MUC12: variants seen among roughly 807,000 people sequenced by gnomAD.
The protein encoded by MUC12 is mucin 12, cell surface associated.
Under a neutral mutation model 230.8 loss-of-function variants are expected in MUC12, and 172 were observed. That is an observed-to-expected ratio of 0.75 (90% CI 0.66 to 0.85). The LOEUF (loss-of-function observed/expected upper bound fraction) is 0.85. MUC12 is among the 40% of genes least tolerant of loss of function. The probability of loss-of-function intolerance (pLI) is 0.00; values close to 1 mark genes in which losing one functional copy is unlikely to be tolerated. For synonymous variants in MUC12, 1,259 were observed against 2,401.9 expected, an observed-to-expected ratio of 0.52 and a Z score of 13.91; for missense variants, 3,506 against 5,920.6, an observed-to-expected ratio of 0.59 and a Z score of 13.38.
chr7:100,990,536 G>C, intron 1 of MUC12, 95 bp from the exon 2 acceptor site: 1 of 1,433,720 alleles, frequency 7.0e-7, no homozygotes, highest in Non-Finnish European at 9.4e-7. Flanking sequence ...CTGACCAGGT[G>C]TCTTCCAGCC....
intron 11 of MUC12, 69 bp downstream of exon 11, chr7:101,017,732 C>CGGGCCTCCCTTCTCCCCCT (rs1793956144): frequency 3.5e-6 from 4 of 1,133,528 alleles, no homozygotes; most frequent in Admixed American, 2.2e-5. Flanking sequence ...CCTCTTCCCC[C>CGGGCCTCCCTTCTCCCCCT]GGGACTCCCT....
intron 1 of MUC12, among the ~76,000 whole-genome samples, chr7:100,970,122 A>G (rs1160660551): frequency 1.5e-4 from 23 of 152,364 alleles, no homozygotes; most frequent in Admixed American, 3.9e-4. Context: ...GGGAGTCCAG[A>G]GGGGTGTGTG....
At chr7:100,971,392 G>C in intron 1 of MUC12, among the ~76,000 whole-genome samples, 1 of 152,292 alleles carries the variant, frequency 6.6e-6, no homozygotes, top group African/African-American at 2.4e-5. Context: ...CTGTGGGGTG[G>C]GCAGAAGGGG....
Position 100,991,504 on chromosome 7 carries a change from C to A in MUC12, c.941C>A (p.Thr314Lys), listed in dbSNP as rs1314524893. The change falls in exon 2 of 12, where the codon ACA becomes AAA. Residue 314 changes from threonine to lysine, a missense_variant. Physicochemically the swap from Thr to Lys is moderately conservative, Grantham distance 78 (BLOSUM62 -1). Transcript: ENST00000536621. ...CACAGCAGCCCGAGCTCAACTCCAA[C>A]AACCCACTTTTCTGCCAGCTCCACA... is the stretch of plus-strand genomic sequence containing the variant. ...TYHSSPSSTP[T>K]THFSASSTTL... 1.3e-6 allele frequency: 2 copies of A among 1,537,258 alleles called. No homozygotes were observed. The highest frequency in any genetic ancestry group is 8.7e-7 in the Non-Finnish European group (1 of 1,146,532).
chr7:100,991,041 G>A lies in MUC12; in HGVS notation c.478G>A (p.Gly160Ser), dbSNP rs1793281375. Residue 160 changes from glycine (G) to serine (S), a missense_variant, in exon 2 of 12, where the codon GGC becomes AGC. Transcript: ENST00000536621. ...CTCACCTGCCCGCACGACAAGCTCA[G>A]GCGTCAGTGAAAAATCAACCACCTC... ...TLSPARTTSS[G>S]VSEKSTTSHS... is the part of the protein sequence containing the mutation. The A allele has an allele frequency of 6.5e-7, 1 of 1,537,660 alleles. No homozygotes were observed. Among genetic ancestry groups the A allele is most frequent in the Non-Finnish European group, 8.7e-7 (1 of 1,146,896 alleles).
rs766347330 is a variant in MUC12 at position 100,995,553 on chromosome 7, C to T, written c.4990C>T (p.His1664Tyr). The part of the protein sequence containing the change: ...SGLLEASTPV[H>Y]SSTGSPHTTL... ...CCTCCTTGAAGCATCTACGCCCGTC[C>T]ACAGCAGCACTGGATCGCCACACAC... The change falls in exon 2 of 12, where the codon CAC becomes TAC. Residue 1664 changes from histidine to tyrosine, a missense_variant. His to Tyr is a moderately conservative substitution (Grantham distance 83). Coordinates refer to ENST00000536621, the MANE Select transcript of MUC12 (RefSeq NM_001164462.2). 26 of 1,536,642 alleles carry T rather than the reference C, an allele frequency of 1.7e-5. No individual in the cohort carries two copies. The highest frequency in any genetic ancestry group is 2.3e-5 in the Non-Finnish European group (26 of 1,146,968).
intron 5 of MUC12, among the ~76,000 whole-genome samples, chr7:101,011,625 T>G (rs1364198199): frequency 6.6e-6 from 1 of 152,148 alleles, no homozygotes; most frequent in African/African-American, 2.4e-5. Flanking sequence ...TCTCATCATG[T>G]TGCCCAGGCT....
rs1017941716 is a variant in MUC12, at chr7:101,004,950, C to G, written c.14387C>G (p.Thr4796Ser). ...TCAGGCCTCAGTCAGGAATCAACAA[C>G]TTTCCACAGTAAGCCAGGCTCAACT... ...TTSGLSQEST[T>S]FHSKPGSTET... is the part of the protein sequence containing the mutation. Residue 4796 changes from threonine to serine, a missense_variant, in exon 2 of 12, where the codon ACT (threonine) becomes AGT (serine). Coordinates refer to ENST00000536621, the MANE Select transcript of MUC12 (RefSeq NM_001164462.2). 2.6e-6 allele frequency: 4 copies of G among 1,537,888 alleles called. No individual in the cohort carries two copies. Among genetic ancestry groups the G allele is most frequent in the African/African-American group, 1.4e-5 (1 of 73,188 alleles).
Position 100,991,551 on chromosome 7 carries a change from T to A in MUC12, c.988T>A (p.Ser330Thr). Residue 330 changes from serine to threonine, a missense_variant, in exon 2 of 12, where the codon TCG (serine) becomes ACG (threonine). Transcript: ENST00000536621. The part of the protein sequence containing the change: ...SSTTLGHSEE[S>T]TPVHSSPVAT... Reference sequence around the variant, plus strand: ...CACAACCTTGGGCCATAGTGAGGAATCGACACCAGTCCACAGCAGCCCAGT... The same window carrying A: ...CACAACCTTGGGCCATAGTGAGGAAACGACACCAGTCCACAGCAGCCCAGT... 1 of 1,537,322 alleles carries A rather than the reference T, an allele frequency of 6.5e-7. No homozygotes were observed. The highest frequency in any genetic ancestry group is 8.7e-7 in the Non-Finnish European group (1 of 1,146,618).
chr7:101,015,681 C>T lies in MUC12; in HGVS notation c.15867C>T (p.Ala5289=). The T allele has an allele frequency of 1.3e-6, 2 of 1,537,462 alleles. No individual in the cohort carries two copies. The highest frequency in any genetic ancestry group is 8.7e-7 in the Non-Finnish European group (1 of 1,146,922). ...EGTPGIFQKT[A]IWEDQNLRES... is the part of the protein sequence containing the mutation. ...CCCCTGGCATCTTCCAGAAGACGGCCATCTGGGAAGGTACCTCTAGTTAAG... is the reference window on the plus strand; with the variant it reads ...CCCCTGGCATCTTCCAGAAGACGGCTATCTGGGAAGGTACCTCTAGTTAAG... Residue 5289 remains alanine (A), a synonymous_variant, in exon 10 of 12, where the codon GCC becomes GCT. Coordinates refer to ENST00000536621, the MANE Select transcript of MUC12 (RefSeq NM_001164462.2).
At chr7:100,988,289 GAA>G (rs1167163725) in intron 1 of MUC12, among the ~76,000 whole-genome samples, 61 of 78,726 alleles carry the variant, frequency 7.7e-4, no homozygotes, top group Middle Eastern at 6.7e-3. Flanking sequence ...GGCTGTCCCA[GAA>G]AAAAAAAAAA....
rs1293593861 is a variant in MUC12 at position 101,018,713 on chromosome 7, GGC to G, written c.*79_*80del. On this transcript the variant is annotated 3_prime_UTR_variant, in exon 12 of 12. Coordinates refer to ENST00000536621, the MANE Select transcript of MUC12 (RefSeq NM_001164462.2). ...CACAGAGCCCACCACAAGCCTCCGG[GGC>G]GGGTCAAGAGGAGACCGAAGTCAGG... is the stretch of plus-strand genomic sequence containing the variant. 6.9e-7 allele frequency: 1 copy of G among 1,450,392 alleles called. No homozygotes were observed. Among genetic ancestry groups the G allele is most frequent in the Non-Finnish European group, 9.2e-7 (1 of 1,086,200 alleles). The allele number at this position is 1,450,392 out of a possible 1,614,324, so 89.8% of individuals were successfully genotyped here. A position where few individuals can be genotyped will look rare whatever the true frequency, so the allele number is the denominator to read the frequency against.
intron 1 of MUC12, among the ~76,000 whole-genome samples, chr7:100,977,435 C>T (rs1352454546): frequency 1.3e-5 from 2 of 150,850 alleles, no homozygotes; most frequent in Non-Finnish European, 2.9e-5. Context: ...GGTGCGATCT[C>T]GCCTCACTGC....
At chr7:100,988,577 G>C (rs1405177048) in intron 1 of MUC12, among the ~76,000 whole-genome samples, 1 of 152,206 alleles carries the variant, frequency 6.6e-6, no homozygotes, top group African/African-American at 2.4e-5. Flanking sequence ...GCTAGCTCTT[G>C]TGTATGTAAA....
intron 1 of MUC12, among the ~76,000 whole-genome samples, chr7:100,973,970 T>C (rs796492967): frequency 9.2e-5 from 14 of 151,374 alleles, no homozygotes; most frequent in Non-Finnish European, 1.6e-4. Context: ...TCGGGCAACA[T>C]AGGGAGACCC....
intron 1 of MUC12, 30 bp from the exon 2 acceptor site, chr7:100,990,601 G>A (rs879924688): frequency 6.5e-7 from 1 of 1,537,030 alleles, no homozygotes; most frequent in Non-Finnish European, 8.7e-7. Flanking sequence ...ATAAATCATA[G>A]CACTTTCTCT....
chr7:100,981,585 C>A lies in MUC12; in HGVS notation c.68-9046C>A. The stretch of plus-strand genomic sequence containing the variant: ...TGGATAAGATGGATGGGGATTCGGT[C>A]ACTTAGAGCTCAAGCTTGGTGTGAC... On this transcript the variant is annotated intron_variant, in intron 1 of 11. Coordinates refer to ENST00000536621, the MANE Select transcript of MUC12 (RefSeq NM_001164462.2). 5 of 439,270 alleles carry A rather than the reference C, an allele frequency of 1.1e-5. No homozygotes were observed. In the South Asian group the frequency reaches 2.6e-4, roughly 23 times the overall value. The allele number at this position is 439,270 out of a possible 1,614,324, so 27.2% of individuals were successfully genotyped here. A position where few individuals can be genotyped will look rare whatever the true frequency, so the allele number is the denominator to read the frequency against.
chr7:100,972,083 A>C (rs1792914005), intron 1 of MUC12: 1 of 703,112 alleles, frequency 1.4e-6, no homozygotes, highest in South Asian at 1.5e-5. Flanking sequence ...GGAAGATCTG[A>C]TTAGATCCAG....
In MUC12 at chr7:101,001,224, C is replaced by G; in HGVS notation, c.10661C>G (p.Ser3554Ter). Residue 3554 changes from serine (S) to a stop codon, truncating the protein, a stop_gained, in exon 2 of 12, where the codon TCA (serine) becomes TGA (stop). Transcript: ENST00000536621. LOFTEE classifies it high-confidence loss of function. ...GAATCAACAACTTCCCACAGCAGCT[C>G]AGGTTCAACTGACACAGCACTGTCC... ...SQESTTSHSS[S>*]GSTDTALSPG... 2.0e-6 allele frequency: 2 copies of G among 1,016,940 alleles called. No individual in the cohort carries two copies. Among genetic ancestry groups the G allele is most frequent in the Non-Finnish European group, 2.7e-6 (2 of 732,728 alleles). The allele number at this position is 1,016,940 out of a possible 1,614,324, so 63.0% of individuals were successfully genotyped here.
Sources: allele counts gnomAD v4.1 joint callset (sites outside exome capture counted in the v4.1 genomes callset), GRCh38; gene constraint gnomAD v4.1.1; transcripts MANE v1.5; gene names NCBI Gene and HGNC (gene_info 2026-07-23, HGNC 2026-07-21).